The following PER2 variants were observed in gnomAD, a reference collection of about 807,000 sequenced individuals.
PER2 encodes the protein period circadian regulator 2, also known as period circadian protein homolog 2.
In PER2, 66 loss-of-function variants were observed where a neutral mutation model predicts 121.0. That is an observed-to-expected ratio of 0.55 (90% confidence interval 0.45 to 0.67). The LOEUF (loss-of-function observed/expected upper bound fraction) is 0.67. Among genes scored for constraint, PER2 ranks in the 30% least tolerant of loss-of-function variants. PER2 has a pLI of 0.00. For missense variants in PER2, 1,521 were observed against 1,635.0 expected (o/e 0.93, Z 1.20); for synonymous variants, 684 against 659.9 (o/e 1.04, Z -0.56).
At chr2:238,265,875 C>T (rs1696079552) in intron 8 of PER2, among the ~76,000 whole-genome samples, 1 of 151,416 alleles carries the variant, frequency 6.6e-6, no homozygotes, top group Admixed American at 6.6e-5. Context: ...CTACTCTTAG[C>T]AAAATAAAGC....
intron 18 of PER2, chr2:238,254,040 T>A (rs889613538): frequency 1.3e-5 from 4 of 318,746 alleles, no homozygotes; most frequent in African/African-American, 8.7e-5. Flanking sequence ...AAAGCTGTCA[T>A]GTCTCTGCTG....
chr2:238,256,034 T>A (rs945419743), intron 17 of PER2, 123 bp from the exon 18 acceptor site: 2 of 1,236,466 alleles, frequency 1.6e-6, no homozygotes, highest in East Asian at 2.3e-5. Flanking sequence ...GCCTGTGGCA[T>A]GAGGATGAGA....
intron 18 of PER2, chr2:238,255,372 A>T: frequency 1.9e-6 from 1 of 513,464 alleles, no homozygotes; most frequent in Admixed American, 3.3e-5. Flanking sequence ...ATGGTTACTC[A>T]GGCAAGAAAT....
chr2:238,282,420 GGTTTGCGTT>G (rs1407497680), intron 1 of PER2, among the ~76,000 whole-genome samples: 11 of 152,174 alleles, frequency 7.2e-5, no homozygotes, highest in African/African-American at 2.7e-4. Context: ...TGGGGGCAGG[GGTTTGCGTT>G]GGTCAATGCT....
chr2:238,282,684 C>T (rs757731776), intron 1 of PER2, among the ~76,000 whole-genome samples: 7 of 152,284 alleles, frequency 4.6e-5, no homozygotes, highest in Non-Finnish European at 2.9e-5. Flanking sequence ...TCGCTTAGCA[C>T]TGAGGGCTGG....
At chr2:238,279,903 G>T (rs1696579517) in intron 1 of PER2, among the ~76,000 whole-genome samples, 1 of 152,218 alleles carries the variant, frequency 6.6e-6, no homozygotes, top group South Asian at 2.1e-4. Context: ...CCCTGAGGAA[G>T]TGGCTAGTGC....
chr2:238,281,945 C>T (rs1696643471), intron 1 of PER2, among the ~76,000 whole-genome samples: 1 of 152,234 alleles, frequency 6.6e-6, no homozygotes, highest in South Asian at 2.1e-4. Flanking sequence ...GGAGGCTACG[C>T]ATCCTGTCCA....
chr2:238,291,488 G>T (rs936868323), upstream of PER2, among the ~76,000 whole-genome samples: 1 of 152,232 alleles, frequency 6.6e-6, no homozygotes, highest in Non-Finnish European at 1.5e-5. Flanking sequence ...CATGGTTTGC[G>T]GGTTGGCTAG....
intron 19 of PER2, 23 bp from the exon 20 acceptor site, chr2:238,251,784 C>T: frequency 1.6e-6 from 2 of 1,271,456 alleles, no homozygotes; most frequent in Non-Finnish European, 1.1e-6. Context: ...GAAGCAGATA[C>T]TGCTGTTCAG....
chr2:238,298,031 C>CTTTTTTTTTT, the PER2 span, among the ~76,000 whole-genome samples: 1 of 128,416 alleles, frequency 7.8e-6, no homozygotes, highest in Non-Finnish European at 1.6e-5. Flanking sequence ...AGCTTTTGTT[C>CTTTTTTTTTT]TTTTTTTTTT....
intron 1 of PER2, among the ~76,000 whole-genome samples, chr2:238,278,506 T>C (rs1696529287): frequency 6.6e-6 from 1 of 152,248 alleles, no homozygotes; most frequent in Non-Finnish European, 1.5e-5. Flanking sequence ...ATAGAGCTGC[T>C]GACGGCCTCA....
rs1348268356 is a variant in PER2, at chr2:238,262,352, AG to A, written c.1154-9del. On this transcript the variant is annotated splice_polypyrimidine_tract_variant and intron_variant, in intron 10 of 22. Coordinates refer to ENST00000254657, the MANE Select transcript of PER2 (RefSeq NM_022817.3). ...GCCCGCCTGACTGCAGGACTAGGAGAGCAAAAGCCAGCATTCAGGGGAAAAG... is the reference window on the plus strand; with the variant it reads ...GCCCGCCTGACTGCAGGACTAGGAGACAAAAGCCAGCATTCAGGGGAAAAG... 9.3e-6 allele frequency: 15 copies of A among 1,613,750 alleles called. No homozygotes were observed. The highest frequency in any genetic ancestry group is 1.3e-5 in the Non-Finnish European group (15 of 1,179,826).
At chr2:238,263,916 G>A (rs913736936) in intron 9 of PER2, among the ~76,000 whole-genome samples, 4 of 151,972 alleles carry the variant, frequency 2.6e-5, no homozygotes, top group Non-Finnish European at 5.9e-5. Context: ...TCCCATCAAG[G>A]CCTTGCTGAA....
chr2:238,248,943 C>A (rs1415237415), intron 22 of PER2, 119 bp downstream of exon 22: 1 of 1,144,858 alleles, frequency 8.7e-7, no homozygotes, highest in Admixed American at 1.7e-5. Context: ...GCGTGAGCCA[C>A]CGCGCCCGGC....
chr2:238,254,917 G>C (rs1042764350), intron 18 of PER2: 2 of 152,216 alleles, frequency 1.3e-5, no homozygotes, highest in Non-Finnish European at 2.9e-5. Context: ...AGACCCGGGG[G>C]AGCTGGGTCC....
intron 6 of PER2, among the ~76,000 whole-genome samples, chr2:238,270,100 C>T (rs1696237842): frequency 2.0e-5 from 3 of 152,290 alleles, no homozygotes; most frequent in East Asian, 3.9e-4. Context: ...TCTAAGAAAC[C>T]GAATTTGTCA....
Position 238,251,756 on chromosome 2 carries a change from A to C in PER2, c.3117T>G (p.Asp1039Glu), listed in dbSNP as rs1251316507. ...DQQPKAPLTR[D>E]EPSDTQNSDA... ...CACTGTTCTGTGTGTCTGAGGGTTC[A>C]TCACGCTTTAGGGACAGGAAGCAGA... The change falls in exon 20 of 23, where the codon GAT becomes GAG. Residue 1039 changes from aspartate (D) to glutamate (E), a missense_variant. Physicochemically the swap from Asp to Glu is conservative, Grantham distance 45 (BLOSUM62 2). Coordinates refer to ENST00000254657, the MANE Select transcript of PER2 (RefSeq NM_022817.3). 1 of 1,559,252 alleles carries C rather than the reference A, an allele frequency of 6.4e-7. No individual in the cohort carries two copies. Among genetic ancestry groups the C allele is most frequent in the African/African-American group, 1.4e-5 (1 of 72,332 alleles).
chr2:238,260,818 G>A lies in PER2; in HGVS notation c.1542+10C>T, dbSNP rs1695902321. On this transcript the variant is annotated intron_variant, in intron 13 of 22. Coordinates refer to ENST00000254657, the MANE Select transcript of PER2 (RefSeq NM_022817.3). ...ACTCATTTTCTCAGGGAGAATGGAA[G>A]GAGACGTACGGCTCTCCTCCGGCGT... 6.2e-7 allele frequency: 1 copy of A among 1,613,956 alleles called. No homozygotes were observed.
chr2:238,297,664 G>A, the PER2 span, among the ~76,000 whole-genome samples: 2 of 152,174 alleles, frequency 1.3e-5, no homozygotes, highest in African/African-American at 4.8e-5. Context: ...AACAGAAGGG[G>A]GCCCAGATAG....
Sources: allele counts gnomAD v4.1 joint callset (sites outside exome capture counted in the v4.1 genomes callset), GRCh38; gene constraint gnomAD v4.1.1; transcripts MANE v1.5; gene names NCBI Gene and HGNC (gene_info 2026-07-23, HGNC 2026-07-21).